Variants in TRPM3 observed in about 807,000 individuals in gnomAD.
TRPM3 encodes long transient receptor potential channel 3.
TRPM3 carries 77 observed loss-of-function variants against 181.2 expected under a neutral mutation model. The ratio of observed to expected loss-of-function variants is 0.42; its 90% CI spans 0.35 to 0.51. The LOEUF is 0.51. Ranked by LOEUF, TRPM3 falls within the 20% of genes least tolerant of loss-of-function variation. The pLI, the probability that TRPM3 is intolerant of heterozygous loss-of-function variation, is 0.01. For synonymous variants in TRPM3, 745 were observed against 796.4 expected, an observed-to-expected ratio of 0.94 and a Z score of 1.09; for missense variants, 1,759 against 2,196.7, an observed-to-expected ratio of 0.80 and a Z score of 3.98.
chr9:70,615,440 A>G (rs1436464051), intron 18 of TRPM3, among the ~76,000 whole-genome samples: 1 of 152,218 alleles, frequency 6.6e-6, no homozygotes, highest in African/African-American at 2.4e-5. Flanking sequence ...AGCTTTGCAT[A>G]CAAACCTCAA....
intron 1 of TRPM3, among the ~76,000 whole-genome samples, chr9:71,012,789 CTTTA>C (rs2097756459): frequency 6.6e-6 from 1 of 151,766 alleles, no homozygotes; most frequent in African/African-American, 2.4e-5. Context: ...GTGTTGGCTT[CTTTA>C]TTGAGTCTCT....
intron 7 of TRPM3, chr9:70,775,147 C>T (rs1198917958): frequency 2.6e-5 from 4 of 152,182 alleles, no homozygotes; most frequent in African/African-American, 7.2e-5. Context: ...GCTGTAGATC[C>T]TAATGTCAGC....
chr9:71,099,374 T>C (rs1472443584), intron 1 of TRPM3, among the ~76,000 whole-genome samples: 1 of 152,142 alleles, frequency 6.6e-6, no homozygotes, highest in African/African-American at 2.4e-5. Context: ...TTTCAACACA[T>C]AAATTTTGGG....
intron 1 of TRPM3, among the ~76,000 whole-genome samples, chr9:71,043,338 A>G (rs1242318715): frequency 2.0e-5 from 3 of 152,184 alleles, no homozygotes; most frequent in Non-Finnish European, 4.4e-5. Context: ...AAGATGGAGG[A>G]GCCTGGAAGA....
At chr9:71,108,355 C>T (rs1025701972) in intron 1 of TRPM3, among the ~76,000 whole-genome samples, 3 of 152,206 alleles carry the variant, frequency 2.0e-5, no homozygotes, top group Middle Eastern at 3.4e-3. Context: ...GAAGTTCATG[C>T]TAATTGAGTT....
intron 1 of TRPM3, among the ~76,000 whole-genome samples, chr9:71,060,105 G>C (rs979984916): frequency 6.6e-6 from 1 of 152,086 alleles, no homozygotes; most frequent in Non-Finnish European, 1.5e-5. Flanking sequence ...GTAGTCCAAG[G>C]TTAGAAGTTA....
intron 6 of TRPM3, among the ~76,000 whole-genome samples, chr9:70,791,179 A>G (rs542565257): frequency 1.3e-5 from 2 of 152,210 alleles, no homozygotes; most frequent in Non-Finnish European, 2.9e-5. Flanking sequence ...TTGAAAATCC[A>G]TGAGGTACCC....
chr9:70,801,380 T>C (rs1588536448), intron 6 of TRPM3, among the ~76,000 whole-genome samples: 1 of 152,330 alleles, frequency 6.6e-6, no homozygotes, highest in East Asian at 1.9e-4. Flanking sequence ...CTGTTCATTA[T>C]CAGAGCTATT....
At chr9:71,404,305 C>A (rs562650588) in intron 1 of TRPM3, among the ~76,000 whole-genome samples, 1 of 152,318 alleles carries the variant, frequency 6.6e-6, no homozygotes, top group South Asian at 2.1e-4. Flanking sequence ...TTGCTTGTTA[C>A]ATTAATAGGT....
chr9:70,921,369 T>C (rs2096651365), intron 1 of TRPM3, among the ~76,000 whole-genome samples: 1 of 152,256 alleles, frequency 6.6e-6, no homozygotes, highest in African/African-American at 2.4e-5. Context: ...CATACCTAAT[T>C]GCTTACTCAC....
chr9:71,089,677 C>T (rs982028180), intron 1 of TRPM3, among the ~76,000 whole-genome samples: 1 of 151,898 alleles, frequency 6.6e-6, no homozygotes, highest in South Asian at 2.1e-4. Flanking sequence ...CCATTCAGTC[C>T]AAGAGTTAGC....
intron 1 of TRPM3, among the ~76,000 whole-genome samples, chr9:71,177,646 C>A (rs2077178709): frequency 1.3e-5 from 2 of 152,134 alleles, no homozygotes; most frequent in Non-Finnish European, 2.9e-5. Context: ...TATCTTTTCA[C>A]ATACTTAAAT....
chr9:71,340,961 T>C (rs756202467), intron 1 of TRPM3, among the ~76,000 whole-genome samples: 6 of 152,064 alleles, frequency 3.9e-5, no homozygotes, highest in Non-Finnish European at 8.8e-5. Context: ...CCAAAAATCA[T>C]CAGTTTTTGT....
At position 70,530,973 on chromosome 9, in the gene TRPM3, C is replaced by T. The variant is rs1443097952; in HGVS notation, c.*4980G>A. ...GAACCACCCAGTGCTTCATCAGACA[C>T]CCAAACACACGCCTCCCACCCCCAA... On this transcript the variant is annotated 3_prime_UTR_variant, in exon 26 of 26. Coordinates refer to ENST00000677713, the MANE Select transcript of TRPM3 (RefSeq NM_001366145.2). 1 of 152,148 alleles carries T rather than the reference C, an allele frequency of 6.6e-6. No homozygotes were observed. The highest frequency in any genetic ancestry group is 1.5e-5 in the Non-Finnish European group (1 of 68,030). The allele number at this position is 152,148 out of a possible 1,614,324, so 9.4% of individuals were successfully genotyped here.
intron 1 of TRPM3, among the ~76,000 whole-genome samples, chr9:71,364,382 G>A (rs751395823): frequency 3.3e-5 from 5 of 152,094 alleles, no homozygotes; most frequent in Admixed American, 3.3e-4. Flanking sequence ...TAATTAAATG[G>A]GATACTCTTC....
intron 1 of TRPM3, among the ~76,000 whole-genome samples, chr9:71,049,804 C>A (rs1238285632): frequency 6.6e-6 from 1 of 152,126 alleles, no homozygotes; most frequent in Non-Finnish European, 1.5e-5. Context: ...ATTAAAATCC[C>A]ATTTCCTCTG....
At chr9:71,333,408 C>T (rs1260630070) in intron 1 of TRPM3, among the ~76,000 whole-genome samples, 2 of 151,988 alleles carry the variant, frequency 1.3e-5, no homozygotes, top group Non-Finnish European at 2.9e-5. Flanking sequence ...AGAGTAGGAA[C>T]CAGCAAACAT....
At chr9:71,431,221 T>A (rs1465721288) in intron 1 of TRPM3, among the ~76,000 whole-genome samples, 5 of 152,120 alleles carry the variant, frequency 3.3e-5, no homozygotes, top group Admixed American at 2.6e-4. Context: ...TTAACAAGTG[T>A]TCCGTAAGTT....
chr9:70,988,360 T>A (rs1458725658), intron 1 of TRPM3, among the ~76,000 whole-genome samples: 1 of 152,184 alleles, frequency 6.6e-6, no homozygotes, highest in East Asian at 1.9e-4. Context: ...TAAGAAGCCT[T>A]CATTGTCTCA....
Sources: allele counts gnomAD v4.1 joint callset (sites outside exome capture counted in the v4.1 genomes callset), GRCh38; gene constraint gnomAD v4.1.1; transcripts MANE v1.5; gene names NCBI Gene and HGNC (gene_info 2026-07-23, HGNC 2026-07-21).